The following SENP6 variants were observed in gnomAD, a reference collection of about 807,000 sequenced individuals.
The protein encoded by SENP6 is sentrin-specific protease 6.
In SENP6, 41 loss-of-function variants were observed where a neutral mutation model predicts 134.5. That is an observed-to-expected ratio of 0.30 (90% CI 0.24 to 0.40). The LOEUF (loss-of-function observed/expected upper bound fraction) is 0.40, where lower values mean the gene tolerates loss of function less well. Ranked by LOEUF, SENP6 falls within the 10% of genes least tolerant of loss-of-function variation. The pLI is 1.00. For synonymous variants in SENP6, 395 were observed against 429.8 expected (o/e 0.92, Z 1.00); for missense variants, 1,248 against 1,312.5 (o/e 0.95, Z 0.76).
chr6:75,662,843 A>G (rs1771890554), intron 8 of SENP6, among the ~76,000 whole-genome samples: 1 of 152,150 alleles, frequency 6.6e-6, no homozygotes, highest in Admixed American at 6.5e-5. Context: ...TACCTTTATT[A>G]TAGATACTAA....
At chr6:75,675,691 C>T (rs1198902094) in intron 12 of SENP6, 169 bp from the exon 13 acceptor site, 1 of 818,650 alleles carries the variant, frequency 1.2e-6, no homozygotes. Flanking sequence ...AAAAAAGTTT[C>T]TTTAAGGCAG....
chr6:75,666,704 A>G lies in SENP6; in HGVS notation c.995-8A>G. The G allele has an allele frequency of 7.7e-7, 1 of 1,292,038 alleles. No homozygotes were observed. Among genetic ancestry groups the G allele is most frequent in the South Asian group, 2.2e-5 (1 of 45,576 alleles). 80.0% of individuals were successfully genotyped at this position (1,292,038 alleles called of 1,614,324 possible). A position where few individuals can be genotyped will look rare whatever the true frequency, so the allele number is the denominator to read the frequency against. On this transcript the variant is annotated splice_polypyrimidine_tract_variant and splice_region_variant and intron_variant, in intron 9 of 23. Coordinates refer to ENST00000447266, the MANE Select transcript of SENP6 (RefSeq NM_015571.4). ...AATATAAATTATAAATTATTAAAAT[A>G]CTTTTAGTCATTTTGTCCAGTGATG...
intron 5 of SENP6, among the ~76,000 whole-genome samples, chr6:75,635,636 A>T (rs1769453783): frequency 6.6e-6 from 1 of 152,142 alleles, no homozygotes; most frequent in Admixed American, 6.5e-5. Flanking sequence ...TTTGCCTTAA[A>T]TGTATTATTG....
intron 17 of SENP6, among the ~76,000 whole-genome samples, chr6:75,696,438 C>T (rs1774669962): frequency 6.6e-6 from 1 of 152,086 alleles, no homozygotes; most frequent in Non-Finnish European, 1.5e-5. Context: ...TGATTCTTCT[C>T]AGACAAATTA....
chr6:75,681,208 AT>A (rs893621480), intron 16 of SENP6, among the ~76,000 whole-genome samples: 44 of 152,206 alleles, frequency 2.9e-4, no homozygotes, highest in African/African-American at 9.9e-4. Context: ...CTGGGGGCAG[AT>A]TTCCCCCTTT....
intron 21 of SENP6, 124 bp from the exon 22 acceptor site, chr6:75,713,389 C>T: frequency 2.7e-6 from 2 of 738,234 alleles, no homozygotes. Context: ...CTCAGTAGTA[C>T]TGAGTCATAC....
chr6:75,607,841 G>A (rs575814386), intron 1 of SENP6, among the ~76,000 whole-genome samples: 1 of 152,070 alleles, frequency 6.6e-6, no homozygotes, highest in Non-Finnish European at 1.5e-5. Context: ...TAAACTCATT[G>A]CAGAACCCAA....
Position 75,602,314 on chromosome 6 carries a change from C to A in SENP6, c.-211C>A, listed in dbSNP as rs545202908. ...CCTGAGAAGCTCGGGCCGCGGGCCT[C>A]GCTGCCCGCCAGCCCGCGGACAGGC... On this transcript the variant is annotated 5_prime_UTR_variant, in exon 1 of 24. Coordinates refer to ENST00000447266, the MANE Select transcript of SENP6 (RefSeq NM_015571.4). 1.3e-5 allele frequency: 6 copies of A among 470,526 alleles called. No homozygotes were observed. The South Asian group carries it at 2.1e-4, about 17-fold the overall frequency. 29.1% of individuals were successfully genotyped at this position (470,526 alleles called of 1,614,324 possible).
chr6:75,620,446 G>A (rs1385731281), intron 1 of SENP6, among the ~76,000 whole-genome samples: 1 of 151,980 alleles, frequency 6.6e-6, no homozygotes, highest in Non-Finnish European at 1.5e-5. Flanking sequence ...TTCACAAATG[G>A]TGCCTTCTGG....
At chr6:75,652,683 C>CAAAAAAAAAAAAAAAAAAAAAAAAAAAA (rs71002754) in intron 7 of SENP6, among the ~76,000 whole-genome samples, 33 of 75,852 alleles carry the variant, frequency 4.4e-4, no homozygotes, top group African/African-American at 7.0e-4. Context: ...CTAAAAATCT[C>CAAAAAAAAAAAAAAAAAAAAAAAAAAAA]AAAAAAAAAA....
intron 16 of SENP6, among the ~76,000 whole-genome samples, chr6:75,685,950 T>C (rs1039645971): frequency 2.0e-5 from 3 of 152,104 alleles, no homozygotes; most frequent in African/African-American, 4.8e-5. Context: ...TGGGTATCCT[T>C]CTTCACTTTC....
At chr6:75,649,704 A>G (rs1020180775) in intron 7 of SENP6, among the ~76,000 whole-genome samples, 1 of 152,020 alleles carries the variant, frequency 6.6e-6, no homozygotes, top group Admixed American at 6.6e-5. Flanking sequence ...GTTAATAGAG[A>G]CGAAGTTTCA....
At chr6:75,664,064 A>G (rs991729469) in intron 9 of SENP6, among the ~76,000 whole-genome samples, 1 of 152,082 alleles carries the variant, frequency 6.6e-6, no homozygotes, top group African/African-American at 2.4e-5. Context: ...AAACTGTGTA[A>G]TTTCCAAGAT....
At position 75,709,514 on chromosome 6, in the gene SENP6, C is replaced by G; in HGVS notation, c.2717-13C>G. 6.3e-7 allele frequency: 1 copy of G among 1,587,508 alleles called. No homozygotes were observed. Among genetic ancestry groups the G allele is most frequent in the Non-Finnish European group, 8.6e-7 (1 of 1,156,374 alleles). ...TGGCCTTTTTTATTATGTAATGTTT[C>G]TTATTGATACAGATGGCTTAAGCAA... On this transcript the variant is annotated splice_polypyrimidine_tract_variant and intron_variant, in intron 19 of 23. Transcript: ENST00000447266.
At chr6:75,651,839 A>G (rs1211101586) in intron 7 of SENP6, among the ~76,000 whole-genome samples, 4 of 152,182 alleles carry the variant, frequency 2.6e-5, no homozygotes, top group East Asian at 1.9e-4. Flanking sequence ...TTAAAAGATG[A>G]CAGACATGGA....
chr6:75,602,402 C>G lies in SENP6; in HGVS notation c.-123C>G. ...GAACGTGGGAGCGCAGCCCGCCTGA[C>G]GGCTGAGCCCGAGGCCCGCAACCCT... is the stretch of plus-strand genomic sequence containing the variant. On this transcript the variant is annotated 5_prime_UTR_variant, in exon 1 of 24. Transcript: ENST00000447266. The G allele has an allele frequency of 8.6e-7, 1 of 1,156,948 alleles. No homozygotes were observed. The highest frequency in any genetic ancestry group is 1.2e-6 in the Non-Finnish European group (1 of 811,354). The allele number at this position is 1,156,948 out of a possible 1,614,324, so 71.7% of individuals were successfully genotyped here.
chr6:75,695,095 T>C (rs9360934), intron 16 of SENP6, among the ~76,000 whole-genome samples: 47,029 of 151,786 alleles, frequency 0.31, 7,950 homozygotes, highest in African/African-American at 0.45. Context: ...AGGCTGGTCT[T>C]GAGCTCCCAA....
intron 16 of SENP6, among the ~76,000 whole-genome samples, chr6:75,684,159 A>G (rs555167501): frequency 6.6e-6 from 1 of 152,282 alleles, no homozygotes; most frequent in East Asian, 1.9e-4. Context: ...CTTTGTAGCA[A>G]CTGTGAATGG....
chr6:75,705,924 CCTTTTTTTTTTTT>C lies in SENP6; in HGVS notation c.2716+2853_2716+2865del, dbSNP rs1335107116. ...AGTGAGTTAGAAAGCTATTTTTGAG[CCTTTTTTTTTTTT>C]TTTTTTTTTTTTTTTTTGAGATGGA... On this transcript the variant is annotated intron_variant, in intron 19 of 23. Transcript: ENST00000447266. Among the ~76,000 whole-genome samples, 10 of 89,280 alleles carry C rather than the reference CCTTTTTTTTTTTT, an allele frequency of 1.1e-4. 1 individual carries two copies. The South Asian group carries it at 1.8e-3, about 16-fold the overall frequency. The allele number at this position is 89,280 out of a possible 152,430, so 58.6% of individuals were successfully genotyped here.
Sources: gnomAD v4.1 joint callset for allele counts (sites outside exome capture counted in the v4.1 genomes callset) on GRCh38, gnomAD v4.1.1 for gene constraint, MANE v1.5 for transcripts, NCBI Gene and HGNC (gene_info 2026-07-23, HGNC 2026-07-21) for gene names.